PIEZO1: variants seen among roughly 807,000 people sequenced by gnomAD.
PIEZO1 encodes piezo-type mechanosensitive ion channel component 1.
A neutral mutation model predicts 297.2 loss-of-function variants in PIEZO1; 296 were observed. The ratio of observed to expected loss-of-function variants is 1.00; its 90% confidence interval spans 0.91 to 1.10. PIEZO1 has a LOEUF of 1.10. Among genes scored for constraint, PIEZO1 ranks in the 50% least tolerant of loss-of-function variants. PIEZO1 has a pLI of 0.00. For missense variants in PIEZO1, 5,018 were observed against 3,455.5 expected (o/e 1.45, Z -11.34); for synonymous variants, 2,427 against 1,507.5 (o/e 1.61, Z -14.13).
At chr16:88,742,929 G>T (rs962659520) in intron 2 of PIEZO1, 1 of 387,982 alleles carries the variant, frequency 2.6e-6, no homozygotes, top group Non-Finnish European at 5.3e-6. Flanking sequence ...CCTCCCTGGG[G>T]CTGAGGGGCT....
At position 88,774,244 on chromosome 16, in the gene PIEZO1, G is replaced by A. The variant is rs75367959; in HGVS notation, c.64+10657C>T. On this transcript the variant is annotated intron_variant, in intron 1 of 50. Coordinates refer to ENST00000301015, the MANE Select transcript of PIEZO1 (RefSeq NM_001142864.4). ...CCAGGCTGTAATAATATAAACTAGAGGTCCAGCCTGGTGATACATGCCTGT... is the reference window on the plus strand; with the variant it reads ...CCAGGCTGTAATAATATAAACTAGAAGTCCAGCCTGGTGATACATGCCTGT... Among the ~76,000 whole-genome samples, 1,110 of 152,264 alleles carry A rather than the reference G, an allele frequency of 7.3e-3. 22 individuals are homozygous for A. The highest frequency in any genetic ancestry group is 0.026 in the African/African-American group (1,064 of 41,542).
At chr16:88,772,609 T>C (rs1907475104) in intron 1 of PIEZO1, among the ~76,000 whole-genome samples, 1 of 151,916 alleles carries the variant, frequency 6.6e-6, no homozygotes, top group Non-Finnish European at 1.5e-5. Context: ...TAAAACCCCG[T>C]CTCTACTAAA....
chr16:88,781,299 T>C (rs1907925448), intron 1 of PIEZO1, among the ~76,000 whole-genome samples: 1 of 152,162 alleles, frequency 6.6e-6, no homozygotes, highest in African/African-American at 2.4e-5. Context: ...AGAGGAAACT[T>C]CCTCTCTGTG....
chr16:88,743,415 C>T (rs1245601405), intron 2 of PIEZO1: 1 of 441,488 alleles, frequency 2.3e-6, no homozygotes, highest in Non-Finnish European at 4.6e-6. Context: ...ACTCCTGCAC[C>T]ACCAGCCACG....
rs1050220595 is a variant in PIEZO1 at position 88,720,260 on chromosome 16, G to A, written c.5973C>T (p.Ile1991=). The change falls in exon 42 of 51, where the codon ATC becomes ATT. Residue 1991 remains isoleucine (I), a synonymous_variant. Transcript: ENST00000301015. The stretch of plus-strand genomic sequence containing the variant: ...CCTGGTCGTCTGATAGGGAGGACGT[G>A]ATGTCTGTGGCCGCCGAGTGCTTCT... ...AFGKHSAATD[I]TSSLSDDQVP... is the part of the protein sequence containing the mutation. 2 of 1,550,486 alleles carry A rather than the reference G, an allele frequency of 1.3e-6. No individual in the cohort carries two copies. Among genetic ancestry groups the A allele is most frequent in the African/African-American group, 1.4e-5 (1 of 73,166 alleles).
chr16:88,779,776 T>C (rs1907845385), intron 1 of PIEZO1, among the ~76,000 whole-genome samples: 1 of 152,112 alleles, frequency 6.6e-6, no homozygotes. Flanking sequence ...AGGCGGTGAG[T>C]GGCCCCTTCC....
chr16:88,715,918 C>A lies in PIEZO1; in HGVS notation c.7316+15G>T, dbSNP rs1459164070. On this transcript the variant is annotated intron_variant, in intron 50 of 50. Coordinates refer to ENST00000301015, the MANE Select transcript of PIEZO1 (RefSeq NM_001142864.4). ...CCCCCCGAGCTGCGGGGTGCCCCCCCAGCCACTCACTCACCCGTAGCCAGC... is the reference window on the plus strand; with the variant it reads ...CCCCCCGAGCTGCGGGGTGCCCCCCAAGCCACTCACTCACCCGTAGCCAGC... 5 of 1,542,180 alleles carry A rather than the reference C, an allele frequency of 3.2e-6. No individual in the cohort carries two copies. Among genetic ancestry groups the A allele is most frequent in the African/African-American group, 1.4e-5 (1 of 72,676 alleles).
chr16:88,766,631 AGGGCTGGGGCGAGTGGGACGCCG>A (rs1296758961), intron 1 of PIEZO1, among the ~76,000 whole-genome samples: 2 of 152,198 alleles, frequency 1.3e-5, no homozygotes, highest in Non-Finnish European at 2.9e-5. Flanking sequence ...CTGCTGCCAC[AGGGCTGGGGCGAGTGGGACGCCG>A]GGGGCCCCCA....
At chr16:88,732,028 A>G in intron 21 of PIEZO1, 118 bp from the exon 22 acceptor site, 1 of 47,392 alleles carries the variant, frequency 2.1e-5, no homozygotes, top group Non-Finnish European at 3.8e-5. Context: ...GCGGGCATCA[A>G]GCAAGGACAG....
In PIEZO1 at chr16:88,738,758, GC is replaced by G. The variant is rs758383905; in HGVS notation, c.466-23del. On this transcript the variant is annotated intron_variant, in intron 5 of 50. Transcript: ENST00000301015. ...CATCCTGCCAAGGTCACGGACAGGG[GC>G]AAGGTCAGGTGTATCGCACTGACGC... The G allele has an allele frequency of 2.0e-6, 3 of 1,521,176 alleles. No homozygotes were observed. In the South Asian group the frequency reaches 3.6e-5, roughly 18 times the overall value. 94.2% of individuals were successfully genotyped at this position (1,521,176 alleles called of 1,614,324 possible).
intron 5 of PIEZO1, chr16:88,739,635 T>C (rs7197075): frequency 0.46 from 69,596 of 152,226 alleles, 16,737 homozygotes; most frequent in Middle Eastern, 0.63. Flanking sequence ...TCAAATGGGA[T>C]GGGGGCTTGA....
Position 88,734,643 on chromosome 16 carries a change from G to T in PIEZO1, c.1997+7C>A. 1 of 1,550,168 alleles carries T rather than the reference G, an allele frequency of 6.5e-7. No homozygotes were observed. Among genetic ancestry groups the T allele is most frequent in the Non-Finnish European group, 8.7e-7 (1 of 1,146,878 alleles). On this transcript the variant is annotated splice_region_variant and intron_variant, in intron 15 of 50. Transcript: ENST00000301015. ...GCCCCTGCCCCACCGCCCCAGCCTG[G>T]ACTCACTGCTCGTCGGTGAAGCCAG...
At chr16:88,736,583 G>A (rs1223843505) in intron 11 of PIEZO1, 56 bp downstream of exon 11, 1 of 1,431,832 alleles carries the variant, frequency 7.0e-7, no homozygotes, top group African/African-American at 1.4e-5. Flanking sequence ...CCCAGGCGAT[G>A]CCCCACACCT....
chr16:88,773,310 GA>G (rs1907511063), intron 1 of PIEZO1, among the ~76,000 whole-genome samples: 1 of 152,262 alleles, frequency 6.6e-6, no homozygotes, highest in South Asian at 2.1e-4. Context: ...GGGACCCCCT[GA>G]ATAAAAACCG....
Position 88,748,030 on chromosome 16 carries a change from C to G in PIEZO1, c.160+1354G>C, listed in dbSNP as rs557172709. Among the ~76,000 whole-genome samples, 35 of 152,344 alleles carry G rather than the reference C, an allele frequency of 2.3e-4. 1 individual carries two copies. In the South Asian group the frequency reaches 2.5e-3, roughly 11 times the overall value. Reference sequence around the variant, plus strand: ...CCCGACGCTGCCAGCCTGATGCGTCCAGCACCTCCCAGAAGGGCGGCACCC... The same window carrying G: ...CCCGACGCTGCCAGCCTGATGCGTCGAGCACCTCCCAGAAGGGCGGCACCC... On this transcript the variant is annotated intron_variant, in intron 2 of 50. Transcript: ENST00000301015.
intron 1 of PIEZO1, among the ~76,000 whole-genome samples, chr16:88,751,858 G>A (rs917773390): frequency 2.0e-5 from 3 of 152,158 alleles, no homozygotes; most frequent in South Asian, 2.1e-4. Flanking sequence ...GGTGGCAGCC[G>A]TCCATGCATC....
chr16:88,741,227 A>AG (rs1212275740), intron 5 of PIEZO1: 7 of 443,696 alleles, frequency 1.6e-5, no homozygotes, highest in African/African-American at 1.4e-4. Flanking sequence ...AGAGTTCCTA[A>AG]GGGCACAGAT....
At chr16:88,755,827 G>A (rs1265546041) in intron 1 of PIEZO1, among the ~76,000 whole-genome samples, 5 of 152,194 alleles carry the variant, frequency 3.3e-5, no homozygotes, top group South Asian at 2.1e-4. Flanking sequence ...GGTGGGGACC[G>A]GGTGGGACCA....
chr16:88,748,226 C>G (rs535755665), intron 2 of PIEZO1, among the ~76,000 whole-genome samples: 1 of 152,232 alleles, frequency 6.6e-6, no homozygotes, highest in African/African-American at 2.4e-5. Flanking sequence ...GCCCCACCCA[C>G]GTTTGGCCCA....
Sources: gnomAD v4.1 joint callset for allele counts (sites outside exome capture counted in the v4.1 genomes callset) on GRCh38, gnomAD v4.1.1 for gene constraint, MANE v1.5 for transcripts, NCBI Gene and HGNC (gene_info 2026-07-23, HGNC 2026-07-21) for gene names.